Variants in MBD5 observed in about 807,000 individuals in gnomAD.
MBD5 encodes methyl-CpG-binding domain protein 5.
In MBD5, 13 loss-of-function variants were observed where a neutral mutation model predicts 117.3. The ratio of observed to expected loss-of-function variants is 0.11; its 90% CI spans 0.07 to 0.18. The LOEUF (loss-of-function observed/expected upper bound fraction) is 0.18, where lower values mean the gene tolerates loss of function less well. Among genes scored for constraint, MBD5 ranks in the 10% least tolerant of loss-of-function variants. The pLI, the probability that MBD5 is intolerant of heterozygous loss-of-function variation, is 1.00. For synonymous variants in MBD5, 727 were observed against 766.4 expected (o/e 0.95, Z 0.85); for missense variants, 1,879 against 2,093.8 (o/e 0.90, Z 2.00).
intron 3 of MBD5, among the ~76,000 whole-genome samples, chr2:148,268,202 T>TG (rs769794113): frequency 3.9e-5 from 6 of 152,092 alleles, no homozygotes; most frequent in Non-Finnish European, 5.9e-5. Flanking sequence ...CTGCCCGCCT[T>TG]GGCCTTCCAA....
At chr2:148,417,864 G>C (rs1705472476) in intron 4 of MBD5, among the ~76,000 whole-genome samples, 1 of 151,760 alleles carries the variant, frequency 6.6e-6, no homozygotes, top group Non-Finnish European at 1.5e-5. Context: ...TTTTGAGACA[G>C]AGCCTCACAC....
rs149950035 is a variant in MBD5 at position 148,386,407 on chromosome 2, C to T, written c.-557+44071C>T. Among the ~76,000 whole-genome samples the T allele has an allele frequency of 7.2e-5, 11 of 152,224 alleles. No individual in the cohort carries two copies. In the East Asian group the frequency reaches 2.1e-3, roughly 29 times the overall value. ...GGAAGCACACATCTCTGTGAGTAGA[C>T]ATTTAAAAGATAAGAAGATACTTTA... On this transcript the variant is annotated intron_variant, in intron 4 of 13. Transcript: ENST00000642680.
At chr2:148,143,621 G>A (rs1697370278) in intron 1 of MBD5, among the ~76,000 whole-genome samples, 1 of 151,990 alleles carries the variant, frequency 6.6e-6, no homozygotes, top group Non-Finnish European at 1.5e-5. Flanking sequence ...ACCCACAACA[G>A]GCCCTGGTGT....
intron 5 of MBD5, among the ~76,000 whole-genome samples, chr2:148,460,927 T>C (rs1162296610): frequency 6.6e-6 from 1 of 152,092 alleles, no homozygotes; most frequent in African/African-American, 2.4e-5. Flanking sequence ...CAACAAGACA[T>C]TATACTTTTT....
At chr2:148,150,213 C>A (rs1328884704) in intron 1 of MBD5, among the ~76,000 whole-genome samples, 1 of 148,074 alleles carries the variant, frequency 6.8e-6, no homozygotes, top group Non-Finnish European at 1.5e-5. Flanking sequence ...TTCCCCATTG[C>A]TTGTTTTTCT....
At chr2:148,389,273 TATATATA>T (rs1559050975) in intron 4 of MBD5, among the ~76,000 whole-genome samples, 2 of 81,278 alleles carry the variant, frequency 2.5e-5, no homozygotes, top group Admixed American at 1.4e-4. Flanking sequence ...TATATATATA[TATATATA>T]TATATATATA....
chr2:148,188,113 C>A (rs1698713699), intron 2 of MBD5, among the ~76,000 whole-genome samples: 1 of 152,190 alleles, frequency 6.6e-6, no homozygotes, highest in Admixed American at 6.5e-5. Flanking sequence ...AGGAAATGAT[C>A]ATTGGAGCAT....
rs1189952421 is a variant in MBD5 at position 148,224,776 on chromosome 2, TG to T, written c.-830-8468del. 8.1e-5 allele frequency among the ~76,000 whole-genome samples: 12 copies of T among 148,452 alleles called. No homozygotes were observed. In the East Asian group the frequency reaches 9.6e-4, roughly 12 times the overall value. ...ATATGTATTTAAAATTGTTTTGTTT[TG>T]TTTTTTTGCTGAATTGACCCCTTTA... On this transcript the variant is annotated intron_variant, in intron 2 of 13. Transcript: ENST00000642680.
At chr2:148,075,627 C>T (rs1695489878) in intron 1 of MBD5, among the ~76,000 whole-genome samples, 1 of 150,046 alleles carries the variant, frequency 6.7e-6, no homozygotes, top group Admixed American at 6.6e-5. Flanking sequence ...TAAGTGACTT[C>T]TTGTGGGTCT....
chr2:148,043,485 A>AAATAAATG (rs1446837847), intron 1 of MBD5, among the ~76,000 whole-genome samples: 1 of 141,706 alleles, frequency 7.1e-6, no homozygotes, highest in African/African-American at 2.6e-5. Context: ...ATAAATAAAT[A>AAATAAATG]AAAGAATAGA....
chr2:148,330,256 C>T (rs16828558), intron 3 of MBD5, among the ~76,000 whole-genome samples: 26,951 of 151,936 alleles, frequency 0.18, 2,551 homozygotes, highest in Non-Finnish European at 0.18. Flanking sequence ...CAGTTTTGAG[C>T]ATCATTGGCC....
At chr2:148,194,787 A>G (rs1163626204) in intron 2 of MBD5, among the ~76,000 whole-genome samples, 1 of 151,872 alleles carries the variant, frequency 6.6e-6, no homozygotes. Context: ...TTAAAAAAAA[A>G]AAAAATGAAA....
intron 1 of MBD5, among the ~76,000 whole-genome samples, chr2:148,175,706 T>A (rs892246981): frequency 6.6e-6 from 1 of 152,214 alleles, no homozygotes; most frequent in African/African-American, 2.4e-5. Flanking sequence ...AATCCAGTTC[T>A]TCCAGTTATT....
intron 1 of MBD5, among the ~76,000 whole-genome samples, chr2:148,088,736 A>C (rs1476816299): frequency 6.6e-6 from 1 of 152,152 alleles, no homozygotes; most frequent in Non-Finnish European, 1.5e-5. Context: ...GAATATCAAA[A>C]TGCACAAAAA....
intron 1 of MBD5, among the ~76,000 whole-genome samples, chr2:148,175,227 A>G (rs1698356093): frequency 6.6e-6 from 1 of 152,190 alleles, no homozygotes; most frequent in African/African-American, 2.4e-5. Context: ...TTATAAATAT[A>G]TATAGCTATT....
At chr2:148,409,640 G>A (rs553670802) in intron 4 of MBD5, among the ~76,000 whole-genome samples, 2 of 152,210 alleles carry the variant, frequency 1.3e-5, no homozygotes, top group Non-Finnish European at 2.9e-5. Flanking sequence ...CATGTTTTAT[G>A]CACTAACATT....
intron 1 of MBD5, among the ~76,000 whole-genome samples, chr2:148,094,703 A>G (rs1409505798): frequency 6.6e-6 from 1 of 152,158 alleles, no homozygotes; most frequent in Admixed American, 6.5e-5. Flanking sequence ...TATTTTGTAA[A>G]ATCTGGATGA....
intron 3 of MBD5, among the ~76,000 whole-genome samples, chr2:148,326,199 T>G (rs150048009): frequency 0.28 from 41,947 of 152,058 alleles, 6,014 homozygotes; most frequent in African/African-American, 0.31. Flanking sequence ...CGGTCTGAGA[T>G]ATAGTTTGTT....
chr2:148,051,566 T>C (rs1694701865), intron 1 of MBD5, among the ~76,000 whole-genome samples: 1 of 151,576 alleles, frequency 6.6e-6, no homozygotes, highest in South Asian at 2.1e-4. Context: ...ACAGATGTTC[T>C]GTCAGGCTGA....
Sources: gnomAD v4.1 joint callset for allele counts (sites outside exome capture counted in the v4.1 genomes callset) on GRCh38, gnomAD v4.1.1 for gene constraint, MANE v1.5 for transcripts, NCBI Gene and HGNC (gene_info 2026-07-23, HGNC 2026-07-21) for gene names.